The following STPG2 variants were observed in gnomAD, a reference collection of about 807,000 sequenced individuals.
STPG2 encodes sperm-tail PG-rich repeat-containing protein 2.
Under a neutral mutation model 54.2 loss-of-function variants are expected in STPG2, and 56 were observed. The observed-to-expected ratio is 1.03, with a 90% confidence interval of 0.83 to 1.29. The LOEUF (loss-of-function observed/expected upper bound fraction) is 1.29. Ranked by LOEUF, STPG2 falls within the 50% of genes most tolerant of loss-of-function variation. The pLI is 0.00. For missense variants in STPG2, 596 were observed against 544.9 expected (o/e 1.09, Z -0.93); for synonymous variants, 200 against 181.8 (o/e 1.10, Z -0.81).
chr4:97,930,003 G>A (rs918918723), intron 8 of STPG2, among the ~76,000 whole-genome samples: 1 of 152,030 alleles, frequency 6.6e-6, no homozygotes, highest in Non-Finnish European at 1.5e-5. Context: ...AGGTTCAAGC[G>A]ATTCTCCCAC....
chr4:97,818,255 C>A (rs897778630), intron 9 of STPG2, among the ~76,000 whole-genome samples: 1 of 151,864 alleles, frequency 6.6e-6, no homozygotes, highest in Non-Finnish European at 1.5e-5. Flanking sequence ...CACGGGGACA[C>A]GTTCCAAGAA....
chr4:97,605,870 T>C (rs1044019913), intron 10 of STPG2, among the ~76,000 whole-genome samples: 4 of 151,646 alleles, frequency 2.6e-5, no homozygotes, highest in Non-Finnish European at 5.9e-5. Context: ...TACAAGTTCC[T>C]CAGTCTCATC....
At chr4:97,476,233 A>T (rs1730068274) in intron 4 of STPG2, among the ~76,000 whole-genome samples, 1 of 152,224 alleles carries the variant, frequency 6.6e-6, no homozygotes, top group African/African-American at 2.4e-5. Flanking sequence ...AAACTTCTAT[A>T]GTTTTCTTCA....
At chr4:97,790,163 G>C (rs182495777) in intron 9 of STPG2, among the ~76,000 whole-genome samples, 2 of 123,438 alleles carry the variant, frequency 1.6e-5, no homozygotes, top group Non-Finnish European at 3.4e-5. Flanking sequence ...TTTTGCTCAC[G>C]ATTACATCTG....
intron 9 of STPG2, among the ~76,000 whole-genome samples, chr4:97,740,728 G>A (rs577611180): frequency 2.0e-5 from 3 of 152,224 alleles, no homozygotes; most frequent in East Asian, 3.9e-4. Context: ...CAAACAAATG[G>A]AAGAACATTC....
In STPG2 at chr4:98,128,659, TAA is replaced by T. The variant is rs1739900128; in HGVS notation, c.223-69_223-68del. ...GGAAGGGGAATGAAGAACCAAATAT[TAA>T]AAGTTACTAAAAGGCAACTATTAAA... On this transcript the variant is annotated intron_variant, in intron 2 of 10. Coordinates refer to ENST00000295268, the MANE Select transcript of STPG2 (RefSeq NM_174952.3). 8 of 1,195,190 alleles carry T rather than the reference TAA, an allele frequency of 6.7e-6. No homozygotes were observed. The Admixed American group carries it at 8.9e-5, about 13-fold the overall frequency. 74.0% of individuals were successfully genotyped at this position (1,195,190 alleles called of 1,614,324 possible).
intron 8 of STPG2, among the ~76,000 whole-genome samples, chr4:97,919,482 G>A (rs1364421821): frequency 2.0e-5 from 3 of 150,878 alleles, no homozygotes; most frequent in African/African-American, 4.9e-5. Flanking sequence ...CAACATCAAA[G>A]GGAAAAGAGG....
intron 5 of STPG2, among the ~76,000 whole-genome samples, chr4:98,037,999 G>A (rs13110498): frequency 0.39 from 59,639 of 151,604 alleles, 11,901 homozygotes; most frequent in Middle Eastern, 0.46. Flanking sequence ...TATAATAAAT[G>A]TGATCCAAAT....
At chr4:97,737,026 G>A (rs555397875) in intron 9 of STPG2, among the ~76,000 whole-genome samples, 334 of 152,216 alleles carry the variant, frequency 2.2e-3, no homozygotes, top group Non-Finnish European at 3.7e-3. Context: ...CCAGAGGAAC[G>A]ACCAGACAGC....
intron 8 of STPG2, among the ~76,000 whole-genome samples, chr4:97,873,478 T>G (rs1279579425): frequency 6.6e-6 from 1 of 151,558 alleles, no homozygotes; most frequent in Non-Finnish European, 1.5e-5. Flanking sequence ...ACATTTTAAC[T>G]GTAGAAAAAT....
chr4:97,624,109 G>A (rs1403684264), intron 10 of STPG2, among the ~76,000 whole-genome samples: 1 of 152,168 alleles, frequency 6.6e-6, no homozygotes, highest in Non-Finnish European at 1.5e-5. Flanking sequence ...ATATGTAGAA[G>A]AATCTTTGTA....
chr4:97,699,987 C>T (rs761046017), intron 10 of STPG2, among the ~76,000 whole-genome samples: 7 of 152,144 alleles, frequency 4.6e-5, no homozygotes, highest in Admixed American at 1.3e-4. Context: ...TCAGAAAGCA[C>T]CCAGTTAATG....
chr4:97,781,600 G>C (rs991575860), intron 9 of STPG2, among the ~76,000 whole-genome samples: 1 of 152,104 alleles, frequency 6.6e-6, no homozygotes, highest in Non-Finnish European at 1.5e-5. Context: ...TCATCATCCT[G>C]ATACTAAAGC....
intron 8 of STPG2, among the ~76,000 whole-genome samples, chr4:97,911,994 T>A (rs150178967): frequency 1.8e-3 from 281 of 152,244 alleles, no homozygotes; most frequent in African/African-American, 6.6e-3. Flanking sequence ...CAGGCTGCCA[T>A]CTTTACTGTG....
At chr4:97,950,092 T>C (rs984571082) in intron 7 of STPG2, among the ~76,000 whole-genome samples, 7 of 151,860 alleles carry the variant, frequency 4.6e-5, no homozygotes, top group African/African-American at 1.7e-4. Context: ...ATTTGTTTCT[T>C]TTTAAAATAT....
At chr4:97,861,436 G>T in intron 8 of STPG2, among the ~76,000 whole-genome samples, 1 of 152,050 alleles carries the variant, frequency 6.6e-6, no homozygotes, top group Non-Finnish European at 1.5e-5. Flanking sequence ...CAGCTTGGAG[G>T]TTCCTAAAAA....
At chr4:98,139,597 T>C (rs1436860934) in intron 1 of STPG2, among the ~76,000 whole-genome samples, 7 of 152,158 alleles carry the variant, frequency 4.6e-5, no homozygotes, top group Admixed American at 4.6e-4. Context: ...TTAAATTATC[T>C]TTCAGAGAAT....
Position 98,055,672 on chromosome 4 carries a change from G to A in STPG2, c.612+50281C>T, listed in dbSNP as rs146546972. Reference sequence around the variant, plus strand: ...CAGAGGATTTGATGCCAGAGCATCTGTAGTAGAACACAGCCAGGGACAGCC... The same window carrying A: ...CAGAGGATTTGATGCCAGAGCATCTATAGTAGAACACAGCCAGGGACAGCC... On this transcript the variant is annotated intron_variant, in intron 5 of 10. Coordinates refer to ENST00000295268, the MANE Select transcript of STPG2 (RefSeq NM_174952.3). Among the ~76,000 whole-genome samples, 644 of 152,304 alleles carry A rather than the reference G, an allele frequency of 4.2e-3. 3 individuals are homozygous for A. The highest frequency in any genetic ancestry group is 0.024 in the South Asian group (118 of 4,830).
At chr4:98,009,427 CATT>C (rs1325193875) in intron 5 of STPG2, among the ~76,000 whole-genome samples, 1 of 151,878 alleles carries the variant, frequency 6.6e-6, no homozygotes, top group East Asian at 1.9e-4. Flanking sequence ...ACTTTCATAT[CATT>C]ATGATTCAAA....
Sources: gnomAD v4.1 joint callset for allele counts (sites outside exome capture counted in the v4.1 genomes callset) on GRCh38, gnomAD v4.1.1 for gene constraint, MANE v1.5 for transcripts, NCBI Gene and HGNC (gene_info 2026-07-23, HGNC 2026-07-21) for gene names.